Variants in PLOD1 observed in about 807,000 individuals in gnomAD.
PLOD1 encodes lysine hydroxylase.
Under a neutral mutation model 94.7 loss-of-function variants are expected in PLOD1, and 70 were observed. That is an observed-to-expected ratio of 0.74 (90% CI 0.61 to 0.90). The LOEUF (loss-of-function observed/expected upper bound fraction) is 0.90, where lower values mean the gene tolerates loss of function less well. Ranked by LOEUF, PLOD1 falls within the 40% of genes least tolerant of loss-of-function variation. The probability of loss-of-function intolerance (pLI) is 0.00; values close to 1 mark genes in which losing one functional copy is unlikely to be tolerated. For missense variants in PLOD1, 905 were observed against 972.7 expected (o/e 0.93, Z 0.93); for synonymous variants, 417 against 400.2 (o/e 1.04, Z -0.50).
In PLOD1 at chr1:11,948,067, G is replaced by A. The variant is rs1557485589; in HGVS notation, c.168G>A (p.Gln56=). The A allele has an allele frequency of 6.2e-7, 1 of 1,609,786 alleles. No individual in the cohort carries two copies. The highest frequency in any genetic ancestry group is 8.5e-7 in the Non-Finnish European group (1 of 1,176,038). Residue 56 remains glutamine, a splice_region_variant and synonymous_variant, in exon 2 of 19, where the codon CAG becomes CAA. Coordinates refer to ENST00000196061, the MANE Select transcript of PLOD1 (RefSeq NM_000302.4). ...RSAQFFNYKI[Q]ALGLGEDWNV... ...CTCAGTTCTTCAACTACAAGATCCA[G>A]GTAAGGGGTTTCCTGGGTGAGGCAG...
At chr1:11,956,490 C>T (rs1400047322) in intron 6 of PLOD1, among the ~76,000 whole-genome samples, 3 of 152,190 alleles carry the variant, frequency 2.0e-5, no homozygotes, top group African/African-American at 7.2e-5. Flanking sequence ...CCCAGGCCTC[C>T]CCTGCATGTG....
At position 11,975,153 on chromosome 1, in the gene PLOD1, G is replaced by C. The variant is rs1645895336; in HGVS notation, c.*345G>C. 2.7e-6 allele frequency: 1 copy of C among 373,284 alleles called. No homozygotes were observed. Among genetic ancestry groups the C allele is most frequent in the South Asian group, 2.4e-5 (1 of 41,804 alleles). 23.1% of individuals were successfully genotyped at this position (373,284 alleles called of 1,614,324 possible). A position where few individuals can be genotyped will look rare whatever the true frequency, so the allele number is the denominator to read the frequency against. ...GGGGTGAGACTTGAGCAGAACAGGG[G>C]CTTCCCCAAGTTGCCCAGAAAGACT... On this transcript the variant is annotated 3_prime_UTR_variant, in exon 19 of 19. Coordinates refer to ENST00000196061, the MANE Select transcript of PLOD1 (RefSeq NM_000302.4).
intron 16 of PLOD1, among the ~76,000 whole-genome samples, chr1:11,969,716 A>C (rs1437914981): frequency 2.0e-5 from 3 of 152,188 alleles, no homozygotes; most frequent in Non-Finnish European, 4.4e-5. Flanking sequence ...CCAGGATTCC[A>C]TTCCAAACTC....
At chr1:11,968,415 A>G (rs1645836739) in intron 16 of PLOD1, among the ~76,000 whole-genome samples, 1 of 152,194 alleles carries the variant, frequency 6.6e-6, no homozygotes, top group Non-Finnish European at 1.5e-5. Flanking sequence ...GCCCTTTCAC[A>G]GAAGAGAAAC....
Position 11,975,145 on chromosome 1 carries a change from G to T in PLOD1, c.*337G>T, listed in dbSNP as rs1645895286. 1 of 385,126 alleles carries T rather than the reference G, an allele frequency of 2.6e-6. No individual in the cohort carries two copies. Among genetic ancestry groups the T allele is most frequent in the Admixed American group, 3.7e-5 (1 of 27,170 alleles). 23.9% of individuals were successfully genotyped at this position (385,126 alleles called of 1,614,324 possible). ...TCTTCCATGGGGTGAGACTTGAGCA[G>T]AACAGGGGCTTCCCCAAGTTGCCCA... On this transcript the variant is annotated 3_prime_UTR_variant, in exon 19 of 19. Transcript: ENST00000196061.
intron 3 of PLOD1, among the ~76,000 whole-genome samples, chr1:11,950,139 A>T (rs1206872446): frequency 6.6e-6 from 1 of 152,144 alleles, no homozygotes; most frequent in East Asian, 1.9e-4. Context: ...GAGAAGAATG[A>T]CATGTTGTGG....
Position 11,964,675 on chromosome 1 carries a change from A to T in PLOD1, c.1360A>T (p.Ile454Phe), listed in dbSNP as rs769732677. Residue 454 changes from isoleucine (I) to phenylalanine (F), a missense_variant, in exon 13 of 19, where the codon ATC (isoleucine) becomes TTC (phenylalanine). Physicochemically the swap from Ile to Phe is conservative, Grantham distance 21. Coordinates refer to ENST00000196061, the MANE Select transcript of PLOD1 (RefSeq NM_000302.4). The stretch of plus-strand genomic sequence containing the variant: ...CTGGAATGTGCCCTATATTTCAAAC[A>T]TCTACTTGATCAAGGGCAGTGCCCT... ...GVWNVPYISN[I>F]YLIKGSALRG... 2 of 1,613,020 alleles carry T rather than the reference A, an allele frequency of 1.2e-6. No individual in the cohort carries two copies. The highest frequency in any genetic ancestry group is 1.7e-6 in the Non-Finnish European group (2 of 1,179,976).
At position 11,972,150 on chromosome 1, in the gene PLOD1, C is replaced by T. The variant is rs1028800143; in HGVS notation, c.1903-722C>T. The T allele has an allele frequency of 1.3e-5, 2 of 152,910 alleles. No homozygotes were observed. Among genetic ancestry groups the T allele is most frequent in the African/African-American group, 4.8e-5 (2 of 41,440 alleles). The allele number at this position is 152,910 out of a possible 1,614,324, so 9.5% of individuals were successfully genotyped here. On this transcript the variant is annotated intron_variant, in intron 17 of 18. Coordinates refer to ENST00000196061, the MANE Select transcript of PLOD1 (RefSeq NM_000302.4). The surrounding 1 kb of genome is among the most constrained non-coding windows in gnomAD (Gnocchi z 4.6). ...AAGGGTTGTGAGGATTGGATGCCCCCCTTTGTCTTTGTCTTTTCATTCATT... is the reference window on the plus strand; with the variant it reads ...AAGGGTTGTGAGGATTGGATGCCCCTCTTTGTCTTTGTCTTTTCATTCATT...
chr1:11,960,707 C>T lies in PLOD1; in HGVS notation c.1037C>T (p.Ser346Phe). The T allele has an allele frequency of 6.2e-7, 1 of 1,613,412 alleles. No individual in the cohort carries two copies. The highest frequency in any genetic ancestry group is 8.5e-7 in the Non-Finnish European group (1 of 1,179,876). ...GCACAGCATGGCAGCGAGTACCAGT[C>T]TGTGAAGCTGGTGGGCCCTGAGGTG... Reference protein sequence around the residue: ...FLAQHGSEYQSVKLVGPEVRM... With the variant: ...FLAQHGSEYQFVKLVGPEVRM... The change falls in exon 10 of 19, where the codon TCT becomes TTT. Residue 346 changes from serine to phenylalanine, a missense_variant. Transcript: ENST00000196061.
At chr1:11,944,619 C>G (rs755180775) in intron 1 of PLOD1, 1 of 1,365,030 alleles carries the variant, frequency 7.3e-7, no homozygotes, top group African/African-American at 1.5e-5. Context: ...GGAGCCCTTC[C>G]CCAAGTGTGA....
intron 17 of PLOD1, among the ~76,000 whole-genome samples, chr1:11,971,303 G>A (rs2100765464): frequency 6.7e-6 from 1 of 149,292 alleles, no homozygotes; most frequent in Admixed American, 6.7e-5. Flanking sequence ...AAGGGGTTGG[G>A]TTGGAGTACG....
intron 4 of PLOD1, among the ~76,000 whole-genome samples, chr1:11,951,443 G>A (rs1645700725): frequency 6.6e-6 from 1 of 151,856 alleles, no homozygotes; most frequent in South Asian, 2.1e-4. Flanking sequence ...GTACACGCCT[G>A]TAATCCCAGC....
intron 9 of PLOD1, among the ~76,000 whole-genome samples, chr1:11,959,951 A>T (rs1360151595): frequency 3.1e-5 from 4 of 129,976 alleles, no homozygotes; most frequent in Admixed American, 8.2e-5. Context: ...TTTTTTTGAG[A>T]TGGAGTCTTG....
At chr1:11,952,125 A>G (rs566602809) in intron 4 of PLOD1, among the ~76,000 whole-genome samples, 1 of 152,292 alleles carries the variant, frequency 6.6e-6, no homozygotes, top group Admixed American at 6.5e-5. Flanking sequence ...GGGATGTCCC[A>G]TTGCTCTTGT....
At chr1:11,945,277 G>T (rs533585253) in intron 1 of PLOD1, among the ~76,000 whole-genome samples, 5 of 152,188 alleles carry the variant, frequency 3.3e-5, no homozygotes, top group Admixed American at 3.3e-4. Context: ...AGCTGGGCTT[G>T]GTGGGGTGCA....
chr1:11,960,642 C>A lies in PLOD1; in HGVS notation c.976-4C>A. 6.2e-7 allele frequency: 1 copy of A among 1,611,012 alleles called. No homozygotes were observed. Among genetic ancestry groups the A allele is most frequent in the South Asian group, 1.1e-5 (1 of 90,980 alleles). On this transcript the variant is annotated splice_polypyrimidine_tract_variant and splice_region_variant and intron_variant, in intron 9 of 18. Coordinates refer to ENST00000196061, the MANE Select transcript of PLOD1 (RefSeq NM_000302.4). ...CGCATCCCCTTCCCCATCCCCAACC[C>A]CAGGAGCAGCACCACAAGGCTCAGG...
intron 9 of PLOD1, 76 bp from the exon 10 acceptor site, chr1:11,960,567 CAGG>C: frequency 2.0e-6 from 2 of 1,005,386 alleles, no homozygotes; most frequent in Non-Finnish European, 3.1e-6. Flanking sequence ...CTGGCAGTGA[CAGG>C]AGGTGCTACA....
intron 5 of PLOD1, among the ~76,000 whole-genome samples, chr1:11,954,030 A>G (rs1645721000): frequency 6.6e-6 from 1 of 150,962 alleles, no homozygotes; most frequent in Admixed American, 6.6e-5. Context: ...ATGTCTGGCT[A>G]ATTTTAAGAT....
At position 11,970,695 on chromosome 1, in the gene PLOD1, A is replaced by G. The variant is rs923873033; in HGVS notation, c.1781A>G (p.Glu594Gly). The G allele has an allele frequency of 4.3e-6, 7 of 1,613,304 alleles. No individual in the cohort carries two copies. The highest frequency in any genetic ancestry group is 5.9e-6 in the Non-Finnish European group (7 of 1,179,956). The stretch of plus-strand genomic sequence containing the variant: ...GACAACCGCATCCAGGGTGGCTACG[A>G]GAACGTGCCGACTATTGACATCCAC... ...NKDNRIQGGY[E>G]NVPTIDIHMN... The change falls in exon 17 of 19, where the codon GAG (glutamate) becomes GGG (glycine). Residue 594 changes from glutamate to glycine, a missense_variant. By Grantham distance (98) the Glu-to-Gly change is moderately conservative. Coordinates refer to ENST00000196061, the MANE Select transcript of PLOD1 (RefSeq NM_000302.4).
Sources: gnomAD v4.1 joint callset for allele counts (sites outside exome capture counted in the v4.1 genomes callset) on GRCh38, gnomAD v4.1.1 for gene constraint, Gnocchi (gnomAD v3.1) non-coding constraint, MANE v1.5 for transcripts, NCBI Gene and HGNC (gene_info 2026-07-23, HGNC 2026-07-21) for gene names.